Variants in CD44 observed in about 807,000 individuals in gnomAD.
CD44 encodes the protein CD44 antigen.
A neutral mutation model predicts 88.8 loss-of-function variants in CD44; 49 were observed. The observed-to-expected ratio is 0.55, with a 90% CI of 0.44 to 0.70. The LOEUF is 0.70. Among genes scored for constraint, CD44 ranks in the 30% least tolerant of loss-of-function variants. The probability of loss-of-function intolerance (pLI) is 0.00; values close to 1 mark genes in which losing one functional copy is unlikely to be tolerated. For synonymous variants in CD44, 325 were observed against 312.3 expected (o/e 1.04, Z -0.43); for missense variants, 883 against 913.8 (o/e 0.97, Z 0.43).
chr11:35,194,080 C>T (rs1215385112), intron 5 of CD44, among the ~76,000 whole-genome samples: 1 of 152,176 alleles, frequency 6.6e-6, no homozygotes, highest in Non-Finnish European at 1.5e-5. Context: ...AATGCTGCTT[C>T]GAAAACCTCC....
intron 3 of CD44, among the ~76,000 whole-genome samples, chr11:35,181,787 AATTT>A (rs1178218340): frequency 2.0e-5 from 2 of 99,898 alleles, no homozygotes; most frequent in Non-Finnish European, 3.8e-5. Context: ...TATTTATATA[AATTT>A]ATATATAAAT....
At position 35,180,420 on chromosome 11, in the gene CD44, G is replaced by C. The variant is rs1307240086; in HGVS notation, c.367+13G>C. On this transcript the variant is annotated intron_variant, in intron 3 of 17. Coordinates refer to ENST00000428726, the MANE Select transcript of CD44 (RefSeq NM_000610.4). ...TTCAATGCTTCAGGTTGGTTCTCAG[G>C]GGGGTGTCTGTTGGCGTGAAAGGCT... The C allele has an allele frequency of 6.2e-6, 10 of 1,613,940 alleles. No homozygotes were observed. Among genetic ancestry groups the C allele is most frequent in the Non-Finnish European group, 8.5e-6 (10 of 1,179,900 alleles).
intron 11 of CD44, 135 bp downstream of exon 11, chr11:35,206,378 A>C: frequency 1.2e-6 from 1 of 853,632 alleles, no homozygotes; most frequent in Non-Finnish European, 1.7e-6. Context: ...TTCAAAAATT[A>C]GTTTTCTTGG....
At chr11:35,196,672 A>C in intron 5 of CD44, 74 bp from the exon 6 acceptor site, 1 of 1,418,778 alleles carries the variant, frequency 7.0e-7, no homozygotes, top group Non-Finnish European at 9.9e-7. Context: ...AAAAGAGTAC[A>C]AGCATATTCA....
chr11:35,182,677 G>C (rs906745547), intron 3 of CD44, among the ~76,000 whole-genome samples: 16 of 152,192 alleles, frequency 1.1e-4, no homozygotes, highest in African/African-American at 2.9e-4. Context: ...AGTGCAACAG[G>C]TCAGAGGGAG....
intron 1 of CD44, among the ~76,000 whole-genome samples, chr11:35,169,133 C>T (rs932186144): frequency 1.9e-4 from 29 of 152,022 alleles, no homozygotes; most frequent in African/African-American, 7.0e-4. Flanking sequence ...AGACTGCAGC[C>T]TGTCGGGGGT....
chr11:35,224,920 T>C (rs750970122), intron 17 of CD44, among the ~76,000 whole-genome samples: 15 of 152,200 alleles, frequency 9.9e-5, no homozygotes, highest in Non-Finnish European at 1.9e-4. Flanking sequence ...CAGTAGGTCT[T>C]CTCTACGCAT....
chr11:35,174,230 C>T (rs1235356339), intron 1 of CD44, among the ~76,000 whole-genome samples: 1 of 152,170 alleles, frequency 6.6e-6, no homozygotes, highest in Non-Finnish European at 1.5e-5. Context: ...CCCTGAGCCT[C>T]AACTTTCTTG....
chr11:35,157,351 CT>C (rs778101610), intron 1 of CD44, among the ~76,000 whole-genome samples: 15 of 152,068 alleles, frequency 9.9e-5, no homozygotes, highest in Non-Finnish European at 2.2e-4. Flanking sequence ...ATCTATCTAT[CT>C]ATCTATCTAT....
intron 9 of CD44, among the ~76,000 whole-genome samples, chr11:35,204,249 C>A (rs1187949898): frequency 2.6e-5 from 4 of 152,194 alleles, no homozygotes; most frequent in African/African-American, 9.7e-5. Flanking sequence ...TATGAGAATT[C>A]ATCAGCTATG....
At chr11:35,167,882 G>A (rs1250266556) in intron 1 of CD44, among the ~76,000 whole-genome samples, 3 of 152,232 alleles carry the variant, frequency 2.0e-5, no homozygotes, top group Non-Finnish European at 4.4e-5. Context: ...CATTCAGGCT[G>A]TAAAGGGCAG....
chr11:35,222,077 C>T (rs891356729), intron 17 of CD44, among the ~76,000 whole-genome samples: 27 of 152,204 alleles, frequency 1.8e-4, no homozygotes, highest in African/African-American at 6.5e-4. Flanking sequence ...CATGCAGACT[C>T]TGTCTGATGA....
chr11:35,222,773 A>C (rs996376992), intron 17 of CD44: 8 of 983,964 alleles, frequency 8.1e-6, no homozygotes, highest in Admixed American at 6.2e-5. Flanking sequence ...ATTCATAGGA[A>C]TATTAAGCCT....
At chr11:35,183,282 C>T (rs1945331435) in intron 3 of CD44, among the ~76,000 whole-genome samples, 1 of 150,240 alleles carries the variant, frequency 6.7e-6, no homozygotes, top group South Asian at 2.1e-4. Context: ...TAAGAAAGAA[C>T]TGGAGGCTAC....
At chr11:35,148,985 A>C (rs1441334236) in intron 1 of CD44, among the ~76,000 whole-genome samples, 1 of 152,078 alleles carries the variant, frequency 6.6e-6, no homozygotes, top group Non-Finnish European at 1.5e-5. Flanking sequence ...CACTCTCTTC[A>C]GTCTAAAGAG....
intron 1 of CD44, among the ~76,000 whole-genome samples, chr11:35,145,071 G>C (rs140772709): frequency 6.6e-6 from 1 of 152,352 alleles, no homozygotes; most frequent in Non-Finnish European, 1.5e-5. Flanking sequence ...ATGCCTGAAG[G>C]ATCTATGTGT....
chr11:35,202,881 T>G (rs536059067), intron 9 of CD44, among the ~76,000 whole-genome samples: 1 of 152,314 alleles, frequency 6.6e-6, no homozygotes, highest in Non-Finnish European at 1.5e-5. Context: ...GGAATAGGAT[T>G]TTGTTCCACT....
intron 1 of CD44, among the ~76,000 whole-genome samples, chr11:35,156,415 G>A (rs1941870994): frequency 6.6e-6 from 1 of 152,252 alleles, no homozygotes; most frequent in Non-Finnish European, 1.5e-5. Context: ...ATGTGATTGT[G>A]TCTTAGGCAG....
Position 35,229,265 on chromosome 11 carries a change from C to G in CD44, c.2161C>G (p.Pro721Ala). 6.2e-7 allele frequency: 1 copy of G among 1,613,876 alleles called. No homozygotes were observed. Among genetic ancestry groups the G allele is most frequent in the South Asian group, 1.1e-5 (1 of 91,072 alleles). The change falls in exon 18 of 18, where the codon CCA becomes GCA. Residue 721 changes from proline (P) to alanine (A), a missense_variant. By Grantham distance (27) the Pro-to-Ala change is conservative. Around this residue, in one of 2 missense-constraint regions of CD44, gnomAD observed 631 missense variants for 590.9 expected, o/e 1.07. Transcript: ENST00000428726. ...HLVNKESSET[P>A]DQFMTADETR... ...GGTGAACAAGGAGTCGTCAGAAACT[C>G]CAGACCAGTTTATGACAGCTGATGA...
Sources: gnomAD v4.1 joint callset for allele counts (sites outside exome capture counted in the v4.1 genomes callset) on GRCh38, gnomAD v4.1.1 for gene constraint, gnomAD v4.1.1 regional missense constraint, MANE v1.5 for transcripts, NCBI Gene and HGNC (gene_info 2026-07-23, HGNC 2026-07-21) for gene names.